Variants in NBEAL1 observed in about 807,000 individuals in gnomAD.
The protein encoded by NBEAL1 is neurobeachin like 1.
NBEAL1 carries 273 observed loss-of-function variants against 351.3 expected under a neutral mutation model. The ratio of observed to expected loss-of-function variants is 0.78; its 90% CI spans 0.70 to 0.86. The LOEUF is 0.86. Among genes scored for constraint, NBEAL1 ranks in the 40% least tolerant of loss-of-function variants. NBEAL1 has a pLI of 0.00. For missense variants in NBEAL1, 2,961 were observed against 3,201.3 expected, an observed-to-expected ratio of 0.92 and a Z score of 1.81; for synonymous variants, 1,050 against 1,086.4, an observed-to-expected ratio of 0.97 and a Z score of 0.66.
intron 2 of NBEAL1, among the ~76,000 whole-genome samples, chr2:203,028,749 C>T (rs566307678): frequency 1.3e-5 from 2 of 151,572 alleles, no homozygotes; most frequent in Non-Finnish European, 2.9e-5. Flanking sequence ...TTATTGGGTG[C>T]CTGCTGTATG....
In NBEAL1 at chr2:203,099,611, C is replaced by G; in HGVS notation, c.1186-18C>G. ...GAGCACATTTGTTAATTTCTTGTTTCCCCTTCCCCCTCAATAGGTGTTTCA... is the reference window on the plus strand; with the variant it reads ...GAGCACATTTGTTAATTTCTTGTTTGCCCTTCCCCCTCAATAGGTGTTTCA... On this transcript the variant is annotated intron_variant, in intron 11 of 55. Coordinates refer to ENST00000683969, the MANE Select transcript of NBEAL1 (RefSeq NM_001378026.1). 6.7e-7 allele frequency: 1 copy of G among 1,494,578 alleles called. No homozygotes were observed. The highest frequency in any genetic ancestry group is 9.0e-7 in the Non-Finnish European group (1 of 1,111,134). 92.6% of individuals were successfully genotyped at this position (1,494,578 alleles called of 1,614,324 possible).
intron 55 of NBEAL1, among the ~76,000 whole-genome samples, chr2:203,215,137 C>T (rs1181147133): frequency 6.6e-6 from 1 of 152,138 alleles, no homozygotes. Flanking sequence ...GCGGGCGGAT[C>T]ATGAGGTCAA....
intron 6 of NBEAL1, among the ~76,000 whole-genome samples, chr2:203,059,464 C>G (rs948488764): frequency 2.0e-5 from 3 of 152,244 alleles, no homozygotes; most frequent in African/African-American, 7.2e-5. Context: ...TTAGCCTTTG[C>G]TGGTCACCAT....
Position 203,172,651 on chromosome 2 carries a change from T to C in NBEAL1, c.6199-78T>C. On this transcript the variant is annotated intron_variant, in intron 40 of 55. Coordinates refer to ENST00000683969, the MANE Select transcript of NBEAL1 (RefSeq NM_001378026.1). ...GAGACTATCCCTTTTTGTCTTTAGATAACCATTTGATATTAGATATGAGGA... is the reference window on the plus strand; with the variant it reads ...GAGACTATCCCTTTTTGTCTTTAGACAACCATTTGATATTAGATATGAGGA... The C allele has an allele frequency of 2.3e-6, 3 of 1,282,096 alleles. No individual in the cohort carries two copies. The South Asian group carries it at 5.8e-5, about 25-fold the overall frequency. 79.4% of individuals were successfully genotyped at this position (1,282,096 alleles called of 1,614,324 possible).
intron 53 of NBEAL1, among the ~76,000 whole-genome samples, chr2:203,210,603 T>TC: frequency 6.8e-6 from 1 of 146,696 alleles, no homozygotes; most frequent in East Asian, 2.0e-4. Flanking sequence ...GGCAGAGCTT[T>TC]CAGTGAGCCA....
chr2:203,073,734 A>T (rs914659918), intron 7 of NBEAL1, among the ~76,000 whole-genome samples: 2 of 151,818 alleles, frequency 1.3e-5, no homozygotes, highest in Admixed American at 1.3e-4. Flanking sequence ...TTCCTTTTTC[A>T]TTATTTTTTC....
intron 33 of NBEAL1, among the ~76,000 whole-genome samples, chr2:203,146,776 A>G (rs1313149061): frequency 6.6e-6 from 1 of 151,836 alleles, no homozygotes; most frequent in Non-Finnish European, 1.5e-5. Context: ...GTAGATGAGC[A>G]GCAAGACTCG....
At chr2:203,149,486 A>G (rs983255991) in intron 34 of NBEAL1, among the ~76,000 whole-genome samples, 7 of 152,064 alleles carry the variant, frequency 4.6e-5, no homozygotes, top group Admixed American at 2.0e-4. Flanking sequence ...ATATTTTACA[A>G]TTCACTTAAC....
chr2:203,046,824 GA>G (rs1414813024), intron 3 of NBEAL1, among the ~76,000 whole-genome samples: 1 of 152,120 alleles, frequency 6.6e-6, no homozygotes, highest in East Asian at 1.9e-4. Flanking sequence ...AAATTTGGGG[GA>G]ATACCAGCAT....
At position 203,217,340 on chromosome 2, in the gene NBEAL1, C is replaced by G; in HGVS notation, c.8158C>G (p.Gln2720Glu). The G allele has an allele frequency of 6.4e-7, 1 of 1,573,390 alleles. No individual in the cohort carries two copies. Among genetic ancestry groups the G allele is most frequent in the Non-Finnish European group, 8.6e-7 (1 of 1,163,426 alleles). The change falls in exon 56 of 56, where the codon CAA (glutamine) becomes GAA (glutamate). Residue 2720 changes from glutamine to glutamate, a missense_variant. Gln to Glu is a conservative substitution (Grantham distance 29). Coordinates refer to ENST00000683969, the MANE Select transcript of NBEAL1 (RefSeq NM_001378026.1). ...ISAGETEYNT[Q>E]DSK Reference sequence around the variant, plus strand: ...AGCTGGAGAAACTGAATATAATACTCAAGATTCCAAGTGATTGTTATTTCC... The same window carrying G: ...AGCTGGAGAAACTGAATATAATACTGAAGATTCCAAGTGATTGTTATTTCC...
rs950042975 is a variant in NBEAL1 at position 203,111,997 on chromosome 2, C to T, written c.2101C>T (p.His701Tyr). 9 of 1,551,198 alleles carry T rather than the reference C, an allele frequency of 5.8e-6. No homozygotes were observed. The Admixed American group carries it at 1.8e-4, about 31-fold the overall frequency. Reference protein sequence around the residue: ...DSLWHNITVVHMPGKRPFGQS... With the variant: ...DSLWHNITVVYMPGKRPFGQS... ...TTACCAGCACAACATAACTGTTGTCCACATGCCTGGAAAAAGGCCTTTTGG... is the reference window on the plus strand; with the variant it reads ...TTACCAGCACAACATAACTGTTGTCTACATGCCTGGAAAAAGGCCTTTTGG... The change falls in exon 16 of 56, where the codon CAC becomes TAC. Residue 701 changes from histidine (H) to tyrosine (Y), a missense_variant. By Grantham distance (83) the His-to-Tyr change is moderately conservative. Coordinates refer to ENST00000683969, the MANE Select transcript of NBEAL1 (RefSeq NM_001378026.1).
chr2:203,108,169 A>G lies in NBEAL1; in HGVS notation c.1930A>G (p.Lys644Glu), dbSNP rs976302115. The G allele has an allele frequency of 1.4e-5, 22 of 1,549,750 alleles. No individual in the cohort carries two copies. The highest frequency in any genetic ancestry group is 1.8e-5 in the Non-Finnish European group (21 of 1,145,600). The change falls in exon 14 of 56, where the codon AAA (lysine) becomes GAA (glutamate). Residue 644 changes from lysine to glutamate, a missense_variant. By Grantham distance (56) the Lys-to-Glu change is moderately conservative (BLOSUM62 1). Coordinates refer to ENST00000683969, the MANE Select transcript of NBEAL1 (RefSeq NM_001378026.1). ...TCTTGGCATTGCTAACAAAGGAGGG[A>G]AAAGGAAACAATTGTACAGGTATTG... ...LTLGIANKGGKRKQLYSFFTG... is the reference protein window; with the variant it reads ...LTLGIANKGGERKQLYSFFTG...
At chr2:203,177,692 T>C (rs1431220660) in intron 42 of NBEAL1, among the ~76,000 whole-genome samples, 1 of 152,120 alleles carries the variant, frequency 6.6e-6, no homozygotes, top group African/African-American at 2.4e-5. Context: ...GTATAGCTTT[T>C]GTGGAAAATA....
At chr2:203,102,487 G>T (rs1479332972) in intron 12 of NBEAL1, among the ~76,000 whole-genome samples, 1 of 152,092 alleles carries the variant, frequency 6.6e-6, no homozygotes, top group Non-Finnish European at 1.5e-5. Context: ...TTCCTTCAGT[G>T]CCTAGTTTGT....
In NBEAL1 at chr2:203,186,518, G is replaced by C. The variant is rs191939953; in HGVS notation, c.6706-1954G>C. On this transcript the variant is annotated intron_variant, in intron 44 of 55. Coordinates refer to ENST00000683969, the MANE Select transcript of NBEAL1 (RefSeq NM_001378026.1). ...GTAAGGACATGCTCTCAGATCTTCTGTTAGGGTCCAGTCCTGTCTCCCGAG... is the reference window on the plus strand; with the variant it reads ...GTAAGGACATGCTCTCAGATCTTCTCTTAGGGTCCAGTCCTGTCTCCCGAG... Among the ~76,000 whole-genome samples, 54 of 152,238 alleles carry C rather than the reference G, an allele frequency of 3.5e-4. 2 individuals are homozygous for C. The highest frequency in any genetic ancestry group is 3.3e-3 in the Admixed American group (50 of 15,286).
chr2:203,203,688 T>A (rs1014486248), intron 51 of NBEAL1, among the ~76,000 whole-genome samples: 1 of 152,086 alleles, frequency 6.6e-6, no homozygotes, highest in Non-Finnish European at 1.5e-5. Context: ...CCCGGGTGAC[T>A]GAGCAAGATC....
rs763251943 is a variant in NBEAL1, at chr2:203,166,112, T to C, written c.5715-37T>C. On this transcript the variant is annotated intron_variant, in intron 36 of 55. Transcript: ENST00000683969. ...TTTTCTATTTAAGAAAAATAAATGG[T>C]TGAATTTTTCTGTTTATTGGCTTCT... 6.7e-6 allele frequency: 10 copies of C among 1,502,746 alleles called. 1 individual carries two copies. The highest frequency in any genetic ancestry group is 8.0e-6 in the Non-Finnish European group (9 of 1,127,542). 93.1% of individuals were successfully genotyped at this position (1,502,746 alleles called of 1,614,324 possible).
At chr2:203,067,721 C>G (rs540451632) in intron 6 of NBEAL1, among the ~76,000 whole-genome samples, 1 of 152,230 alleles carries the variant, frequency 6.6e-6, no homozygotes, top group African/African-American at 2.4e-5. Context: ...AAAAAATTCA[C>G]CATCTACTAG....
Position 203,135,811 on chromosome 2 carries a change from A to G in NBEAL1, c.3948A>G (p.Arg1316=), listed in dbSNP as rs962788289. 2 of 1,613,686 alleles carry G rather than the reference A, an allele frequency of 1.2e-6. No individual in the cohort carries two copies. The highest frequency in any genetic ancestry group is 2.2e-5 in the East Asian group (1 of 44,846). ...ENGNTLHKHS[R]AVLMKDNDKN... ...GAAATACTCTTCATAAGCACAGTAGAGCTGTTTTAATGAAAGACAATGATA... is the reference window on the plus strand; with the variant it reads ...GAAATACTCTTCATAAGCACAGTAGGGCTGTTTTAATGAAAGACAATGATA... The change falls in exon 28 of 56, where the codon AGA becomes AGG. Residue 1316 remains arginine (R), a synonymous_variant. Coordinates refer to ENST00000683969, the MANE Select transcript of NBEAL1 (RefSeq NM_001378026.1).
Sources: gnomAD v4.1 joint callset for allele counts (sites outside exome capture counted in the v4.1 genomes callset) on GRCh38, gnomAD v4.1.1 for gene constraint, MANE v1.5 for transcripts, NCBI Gene and HGNC (gene_info 2026-07-23, HGNC 2026-07-21) for gene names.